DDAH1: variants seen among roughly 807,000 people sequenced by gnomAD.
DDAH1 encodes the protein dimethylarginine dimethylaminohydrolase 1.
A neutral mutation model predicts 28.8 loss-of-function variants in DDAH1; 19 were observed. The observed-to-expected ratio is 0.66, with a 90% confidence interval of 0.46 to 0.97. DDAH1 has a LOEUF of 0.97. Among genes scored for constraint, DDAH1 ranks in the 50% least tolerant of loss-of-function variants. DDAH1 has a pLI of 0.00. For missense variants in DDAH1, 326 were observed against 375.9 expected, an observed-to-expected ratio of 0.87 and a Z score of 1.10; for synonymous variants, 153 against 154.4, an observed-to-expected ratio of 0.99 and a Z score of 0.07.
At chr1:85,535,813 G>A (rs534341184) in intron 1 of DDAH1, among the ~76,000 whole-genome samples, 3 of 149,638 alleles carry the variant, frequency 2.0e-5, no homozygotes, top group Admixed American at 6.7e-5. Context: ...ATTCAGATAC[G>A]TAAGAACTTA....
intron 4 of DDAH1, among the ~76,000 whole-genome samples, chr1:85,349,578 G>A (rs1649074368): frequency 6.6e-6 from 1 of 152,202 alleles, no homozygotes; most frequent in Non-Finnish European, 1.5e-5. Context: ...CCTGGGGTGA[G>A]TCACTTGATC....
intron 1 of DDAH1, among the ~76,000 whole-genome samples, chr1:85,497,357 G>A (rs922990048): frequency 1.3e-5 from 2 of 152,170 alleles, no homozygotes; most frequent in Admixed American, 6.5e-5. Context: ...TTCCAAAGGC[G>A]AGGGACTACG....
intron 5 of DDAH1, among the ~76,000 whole-genome samples, chr1:85,321,859 A>T (rs1439625518): frequency 6.6e-6 from 1 of 152,166 alleles, no homozygotes. Context: ...GGTACATGGA[A>T]GTTGGTGACC....
At chr1:85,379,565 G>C in intron 1 of DDAH1, 2 of 981,594 alleles carry the variant, frequency 2.0e-6, no homozygotes, top group Non-Finnish European at 2.4e-6. Flanking sequence ...AGGAAACTGA[G>C]GCACGGAACA....
intron 1 of DDAH1, among the ~76,000 whole-genome samples, chr1:85,393,866 A>C (rs1203039993): frequency 6.6e-6 from 1 of 152,214 alleles, no homozygotes; most frequent in Non-Finnish European, 1.5e-5. Flanking sequence ...CAGAACAGGT[A>C]ATCAGGAGAT....
At chr1:85,347,464 T>G (rs960019614) in intron 4 of DDAH1, among the ~76,000 whole-genome samples, 4 of 151,816 alleles carry the variant, frequency 2.6e-5, no homozygotes, top group Non-Finnish European at 5.9e-5. Flanking sequence ...ATGTCCTTTG[T>G]AGGGACATGG....
chr1:85,406,739 C>T (rs546342799), intron 1 of DDAH1, among the ~76,000 whole-genome samples: 7 of 151,808 alleles, frequency 4.6e-5, no homozygotes, highest in African/African-American at 7.3e-5. Context: ...TTTGAGTATA[C>T]GAAGCACTGT....
intron 2 of DDAH1, among the ~76,000 whole-genome samples, chr1:85,475,286 T>G (rs969897158): frequency 6.6e-6 from 1 of 152,200 alleles, no homozygotes; most frequent in African/African-American, 2.4e-5. Context: ...ATATAGCAAG[T>G]GCTCAACAAA....
chr1:85,570,021 C>T (rs17127914), intron 1 of DDAH1, among the ~76,000 whole-genome samples: 2,867 of 152,266 alleles, frequency 0.019, 99 homozygotes, highest in African/African-American at 0.066. Context: ...ACCAAGCTGA[C>T]GCTGATCACA....
intron 1 of DDAH1, among the ~76,000 whole-genome samples, chr1:85,435,623 G>A (rs1185627053): frequency 6.6e-6 from 1 of 152,160 alleles, no homozygotes; most frequent in African/African-American, 2.4e-5. Flanking sequence ...AGGAGGTGGA[G>A]AGTTGTGAAA....
intron 4 of DDAH1, among the ~76,000 whole-genome samples, chr1:85,348,312 C>CA (rs1648991180): frequency 6.6e-6 from 1 of 152,140 alleles, no homozygotes; most frequent in Non-Finnish European, 1.5e-5. Flanking sequence ...CCTAGGTCAT[C>CA]AGTGGTCCTC....
chr1:85,546,656 A>G (rs145980994), intron 1 of DDAH1, among the ~76,000 whole-genome samples: 143 of 152,334 alleles, frequency 9.4e-4, no homozygotes, highest in African/African-American at 3.2e-3. Context: ...TTTATTAAAA[A>G]TCTAAATATG....
chr1:85,322,085 T>A (rs888145772), intron 5 of DDAH1, among the ~76,000 whole-genome samples: 15 of 152,026 alleles, frequency 9.9e-5, no homozygotes, highest in African/African-American at 3.1e-4. Context: ...CCCTGGCTAA[T>A]TTTTATTTTT....
chr1:85,432,579 T>C (rs1653741619), intron 1 of DDAH1, among the ~76,000 whole-genome samples: 1 of 152,204 alleles, frequency 6.6e-6, no homozygotes, highest in South Asian at 2.1e-4. Flanking sequence ...CATCCCTTAA[T>C]GGCACAATTG....
chr1:85,465,229 G>T (rs1034127647), upstream of DDAH1: 8 of 1,105,596 alleles, frequency 7.2e-6, no homozygotes, highest in African/African-American at 1.3e-4. Flanking sequence ...AGCTCCGGGC[G>T]CCGGCCCGCG....
intron 1 of DDAH1, among the ~76,000 whole-genome samples, chr1:85,455,284 T>C (rs1451834810): frequency 6.6e-6 from 1 of 152,208 alleles, no homozygotes; most frequent in African/African-American, 2.4e-5. Flanking sequence ...GGCTATGTTT[T>C]TCTTCCATTA....
intron 1 of DDAH1, among the ~76,000 whole-genome samples, chr1:85,527,878 A>T (rs1657928114): frequency 6.6e-6 from 1 of 152,188 alleles, no homozygotes; most frequent in South Asian, 2.1e-4. Context: ...GTTTTTAAAA[A>T]TTCTATTTAT....
At position 85,321,174 on chromosome 1, in the gene DDAH1, G is replaced by T. The variant is rs1661321538; in HGVS notation, c.*278C>A. The T allele has an allele frequency of 3.4e-6, 1 of 290,666 alleles. No homozygotes were observed. Among genetic ancestry groups the T allele is most frequent in the Non-Finnish European group, 6.4e-6 (1 of 155,236 alleles). 18.0% of individuals were successfully genotyped at this position (290,666 alleles called of 1,614,324 possible). A position where few individuals can be genotyped will look rare whatever the true frequency, so the allele number is the denominator to read the frequency against. Reference sequence around the variant, plus strand: ...CACCAAAAATACAGACACTAAATGAGTGTTTCCTTACTGGGATTAATCACA... The same window carrying T: ...CACCAAAAATACAGACACTAAATGATTGTTTCCTTACTGGGATTAATCACA... On this transcript the variant is annotated 3_prime_UTR_variant, in exon 6 of 6. Coordinates refer to ENST00000284031, the MANE Select transcript of DDAH1 (RefSeq NM_012137.4).
intron 1 of DDAH1, among the ~76,000 whole-genome samples, chr1:85,400,441 T>C (rs1652035523): frequency 6.6e-6 from 1 of 152,012 alleles, no homozygotes; most frequent in African/African-American, 2.4e-5. Flanking sequence ...TGATCTCGGG[T>C]GATCTGCCTA....
Sources: allele counts gnomAD v4.1 joint callset (sites outside exome capture counted in the v4.1 genomes callset), GRCh38; gene constraint gnomAD v4.1.1; transcripts MANE v1.5; gene names NCBI Gene and HGNC (gene_info 2026-07-23, HGNC 2026-07-21).